Variants in SIPA1L3 observed in about 807,000 individuals in gnomAD.
SIPA1L3 encodes the protein signal-induced proliferation-associated 1-like protein 3.
A neutral mutation model predicts 150.1 loss-of-function variants in SIPA1L3; 59 were observed. The observed-to-expected ratio is 0.39, with a 90% CI of 0.32 to 0.49. The LOEUF is 0.49. SIPA1L3 is among the 20% of genes least tolerant of loss of function. The probability of loss-of-function intolerance (pLI) is 0.86; values close to 1 mark genes in which losing one functional copy is unlikely to be tolerated. For synonymous variants in SIPA1L3, 1,070 were observed against 1,077.6 expected, an observed-to-expected ratio of 0.99 and a Z score of 0.14; for missense variants, 2,211 against 2,489.5, an observed-to-expected ratio of 0.89 and a Z score of 2.38.
chr19:38,000,896 A>ATATATATATATGT (rs1967772151), intron 1 of SIPA1L3, among the ~76,000 whole-genome samples: 2 of 19,608 alleles, frequency 1.0e-4, no homozygotes, highest in African/African-American at 5.9e-4. Context: ...TATATATGTT[A>ATATATATATATGT]TATATATATA....
At position 38,206,950 on chromosome 19, in the gene SIPA1L3, G is replaced by A. The variant is rs1973231405; in HGVS notation, c.*710G>A. ...GAGAGAAACTCTATTTGGATCTCCAGGACGGTTTATACGATCTTTTTCTAT... is the reference window on the plus strand; with the variant it reads ...GAGAGAAACTCTATTTGGATCTCCAAGACGGTTTATACGATCTTTTTCTAT... On this transcript the variant is annotated 3_prime_UTR_variant, in exon 22 of 22. Transcript: ENST00000222345. 6.6e-6 allele frequency: 1 copy of A among 152,448 alleles called. No homozygotes were observed. Among genetic ancestry groups the A allele is most frequent in the Non-Finnish European group, 1.5e-5 (1 of 68,042 alleles). 9.4% of individuals were successfully genotyped at this position (152,448 alleles called of 1,614,324 possible). A position where few individuals can be genotyped will look rare whatever the true frequency, so the allele number is the denominator to read the frequency against.
At position 38,164,579 on chromosome 19, in the gene SIPA1L3, T is replaced by C. The variant is rs1343950661; in HGVS notation, c.3881T>C (p.Leu1294Pro). The change falls in exon 15 of 22, where the codon CTG becomes CCG. Residue 1294 changes from leucine (L) to proline (P), a missense_variant. Leu to Pro is a moderately conservative substitution (Grantham distance 98). This residue lies in a region of SIPA1L3 where 806 missense variants were observed against 870.1 expected (regional missense o/e 0.93). Transcript: ENST00000222345. The surrounding 1 kb of genome is among the most constrained non-coding windows in gnomAD (Gnocchi z 4.1). ...CGCTGGTTCGACCCCCTGGACCCCC[T>C]GGAGCCAGAGCAAGACCCCCTCTCC... ...DDRWFDPLDP[L>P]EPEQDPLSKG... is the part of the protein sequence containing the mutation. 6.8e-6 allele frequency: 11 copies of C among 1,614,024 alleles called. No individual in the cohort carries two copies. The highest frequency in any genetic ancestry group is 9.3e-6 in the Non-Finnish European group (11 of 1,179,982).
Position 38,206,479 on chromosome 19 carries a change from T to A in SIPA1L3, c.*239T>A. ...CTCCCTCCAAGCTGCCCAGCTGTGG[T>A]CCCGGTGAGCTGGGCTGTGCTTACA... is the stretch of plus-strand genomic sequence containing the variant. On this transcript the variant is annotated 3_prime_UTR_variant, in exon 22 of 22. Coordinates refer to ENST00000222345, the MANE Select transcript of SIPA1L3 (RefSeq NM_015073.3). The A allele has an allele frequency of 2.1e-6, 1 of 486,202 alleles. No individual in the cohort carries two copies. The highest frequency in any genetic ancestry group is 2.9e-5 in the South Asian group (1 of 34,448). The allele number at this position is 486,202 out of a possible 1,614,324, so 30.1% of individuals were successfully genotyped here.
Position 37,907,651 on chromosome 19 carries a change from C to T in SIPA1L3, c.-379+293C>T, listed in dbSNP as rs531611505. On this transcript the variant is annotated intron_variant, in intron 1 of 21. Transcript: ENST00000222345. ...GATCTGGGAAAACCGCGCCGAACCT[C>T]AATTTCCCCTGCAGTAAAACGGAGT... is the stretch of plus-strand genomic sequence containing the variant. 4 of 152,376 alleles carry T rather than the reference C, an allele frequency of 2.6e-5. No individual in the cohort carries two copies. In the South Asian group the frequency reaches 8.3e-4, roughly 32 times the overall value. The allele number at this position is 152,376 out of a possible 1,614,324, so 9.4% of individuals were successfully genotyped here.
At chr19:38,078,758 A>G (rs140502580) in intron 2 of SIPA1L3, among the ~76,000 whole-genome samples, 2 of 152,264 alleles carry the variant, frequency 1.3e-5, no homozygotes, top group African/African-American at 2.4e-5. Flanking sequence ...GCAGCACTCC[A>G]CTGCCCTGAG....
chr19:38,192,077 T>A (rs1278681325), intron 16 of SIPA1L3, 68 bp from the exon 17 acceptor site: 1 of 1,467,064 alleles, frequency 6.8e-7, no homozygotes, highest in Non-Finnish European at 9.2e-7. Context: ...CCCTCTTGAA[T>A]CCAAACAGCT....
intron 12 of SIPA1L3, among the ~76,000 whole-genome samples, chr19:38,148,170 G>A (rs1175231916): frequency 6.6e-6 from 1 of 151,988 alleles, no homozygotes; most frequent in Non-Finnish European, 1.5e-5. Flanking sequence ...GGCCAAGATG[G>A]TGAAACCCCT....
chr19:38,195,495 T>C (rs1012058742), intron 18 of SIPA1L3, among the ~76,000 whole-genome samples: 18 of 151,940 alleles, frequency 1.2e-4, no homozygotes, highest in Non-Finnish European at 1.9e-4. Flanking sequence ...TAGTGGAAAT[T>C]TCCCTGCTCC....
At chr19:37,925,174 T>G (rs4802150) in intron 1 of SIPA1L3, among the ~76,000 whole-genome samples, 102,273 of 152,060 alleles carry the variant, frequency 0.67, 35,895 homozygotes, top group African/African-American at 0.87. Flanking sequence ...AATGCATGGC[T>G]CTCCGACCTC....
At chr19:38,178,751 C>T (rs1972499305) in intron 15 of SIPA1L3, among the ~76,000 whole-genome samples, 1 of 152,138 alleles carries the variant, frequency 6.6e-6, no homozygotes, top group Non-Finnish European at 1.5e-5. Context: ...GCCGGGATTA[C>T]AGGCATGAGC....
chr19:38,152,892 G>A lies in SIPA1L3; in HGVS notation c.3586G>A (p.Asp1196Asn), dbSNP rs1971858922. 1.1e-5 allele frequency: 17 copies of A among 1,613,602 alleles called. No individual in the cohort carries two copies. Among genetic ancestry groups the A allele is most frequent in the East Asian group, 2.2e-5 (1 of 44,888 alleles). The change falls in exon 13 of 22, where the codon GAT (aspartate) becomes AAT (asparagine). Residue 1196 changes from aspartate (D) to asparagine (N), a missense_variant. By Grantham distance (23) the Asp-to-Asn change is conservative (BLOSUM62 1). Coordinates refer to ENST00000222345, the MANE Select transcript of SIPA1L3 (RefSeq NM_015073.3). ...ATCTCTTGATCCCCACTTCAGCCAC[G>A]ATGGGACGTCCAGCGGCGACTCCTC... ...LLSLDPHFSH[D>N]GTSSGDSSSG...
chr19:37,971,927 T>C (rs890092934), intron 1 of SIPA1L3, among the ~76,000 whole-genome samples: 1 of 152,146 alleles, frequency 6.6e-6, no homozygotes, highest in African/African-American at 2.4e-5. Context: ...CATTCCTTTT[T>C]GGGTTGGATA....
At chr19:38,003,562 T>G (rs1251947984) in intron 1 of SIPA1L3, among the ~76,000 whole-genome samples, 1 of 152,172 alleles carries the variant, frequency 6.6e-6, no homozygotes, top group Non-Finnish European at 1.5e-5. Context: ...TTTCCGAGTT[T>G]CCCGTGCCAC....
intron 4 of SIPA1L3, among the ~76,000 whole-genome samples, chr19:38,091,279 G>C (rs555844097): frequency 6.6e-6 from 1 of 152,046 alleles, no homozygotes; most frequent in Non-Finnish European, 1.5e-5. Flanking sequence ...TTAGCTGCTC[G>C]GGAGGCTGAG....
chr19:38,182,861 G>C, intron 16 of SIPA1L3, 121 bp downstream of exon 16: 2 of 737,736 alleles, frequency 2.7e-6, no homozygotes, highest in Non-Finnish European at 4.4e-6. Context: ...GTGTACCAGT[G>C]TACACACTGG....
rs1970703267 is a variant in SIPA1L3 at position 38,110,064 on chromosome 19, G to A, written c.2134-163G>A. ...TTTGTCCTTTATCCTGAATGAGAGG[G>A]AACCACAGGAAGGTTTGTCACCTGA... On this transcript the variant is annotated intron_variant, in intron 7 of 21. Coordinates refer to ENST00000222345, the MANE Select transcript of SIPA1L3 (RefSeq NM_015073.3). The A allele has an allele frequency of 8.9e-6, 6 of 671,674 alleles. No individual in the cohort carries two copies. In the South Asian group the frequency reaches 1.1e-4, roughly 12 times the overall value. The allele number at this position is 671,674 out of a possible 1,614,324, so 41.6% of individuals were successfully genotyped here. A position where few individuals can be genotyped will look rare whatever the true frequency, so the allele number is the denominator to read the frequency against.
Position 37,965,476 on chromosome 19 carries a change from C to T in SIPA1L3, c.-379+58118C>T, listed in dbSNP as rs192928768. ...GATTACAGGCGCGTGCCACCATGCC[C>T]GGCTAATTTTTGTATTTTTAGTAAA... is the stretch of plus-strand genomic sequence containing the variant. On this transcript the variant is annotated intron_variant, in intron 1 of 21. Coordinates refer to ENST00000222345, the MANE Select transcript of SIPA1L3 (RefSeq NM_015073.3). Among the ~76,000 whole-genome samples, 166 of 151,888 alleles carry T rather than the reference C, an allele frequency of 1.1e-3. 2 individuals are homozygous for T. In the East Asian group the frequency reaches 0.015, roughly 14 times the overall value.
At chr19:38,192,777 C>T (rs1177154047) in intron 17 of SIPA1L3, among the ~76,000 whole-genome samples, 4 of 152,182 alleles carry the variant, frequency 2.6e-5, no homozygotes, top group African/African-American at 7.2e-5. Flanking sequence ...CTGCCCTACT[C>T]GTCCTCACTG....
At chr19:38,203,994 A>C in intron 20 of SIPA1L3, 133 bp from the exon 21 acceptor site, 1 of 679,206 alleles carries the variant, frequency 1.5e-6, no homozygotes, top group Non-Finnish European at 2.5e-6. Context: ...GCTTCCCCTC[A>C]GAGCTTCTCC....
Sources: gnomAD v4.1 joint callset for allele counts (sites outside exome capture counted in the v4.1 genomes callset) on GRCh38, gnomAD v4.1.1 for gene constraint, gnomAD v4.1.1 regional missense constraint, Gnocchi (gnomAD v3.1) non-coding constraint, MANE v1.5 for transcripts, NCBI Gene and HGNC (gene_info 2026-07-23, HGNC 2026-07-21) for gene names.